Variants in TMEM255B observed in about 807,000 individuals in gnomAD.
The protein encoded by TMEM255B is family with sequence similarity 70, member B.
A neutral mutation model predicts 34.5 loss-of-function variants in TMEM255B; 35 were observed. The ratio of observed to expected loss-of-function variants is 1.01; its 90% CI spans 0.77 to 1.34. The LOEUF is 1.34. Among genes scored for constraint, TMEM255B ranks in the 40% most tolerant of loss-of-function variants. The pLI is 0.00. For missense variants in TMEM255B, 432 were observed against 433.2 expected (o/e 1.00, Z 0.02); for synonymous variants, 206 against 201.2 (o/e 1.02, Z -0.20).
intron 2 of TMEM255B, 157 bp downstream of exon 2, chr13:113,766,414 C>T (rs559261608): frequency 5.7e-6 from 6 of 1,051,224 alleles, no homozygotes; most frequent in East Asian, 2.5e-5. Context: ...CACAGACATG[C>T]ACTTCCCAAT....
At chr13:113,787,446 C>T (rs879710551) in intron 3 of TMEM255B, among the ~76,000 whole-genome samples, 5 of 152,292 alleles carry the variant, frequency 3.3e-5, no homozygotes, top group African/African-American at 7.2e-5. Context: ...TTCTCTTCTC[C>T]GTTTGCTCAC....
At position 113,795,306 on chromosome 13, in the gene TMEM255B, ATTTCAT is replaced by A. The variant is rs2050902693; in HGVS notation, c.342+73_342+78del. On this transcript the variant is annotated intron_variant, in intron 4 of 8. Transcript: ENST00000375353. Reference sequence around the variant, plus strand: ...AAAGAGTCGACGTGAAAAAAGTACAATTTCATTTTGCAGATCTCAGCTCAGACGGCT... The same window carrying A: ...AAAGAGTCGACGTGAAAAAAGTACAATTTGCAGATCTCAGCTCAGACGGCT... 4 of 1,514,828 alleles carry A rather than the reference ATTTCAT, an allele frequency of 2.6e-6. No individual in the cohort carries two copies. The East Asian group carries it at 9.4e-5, about 35-fold the overall frequency. 93.8% of individuals were successfully genotyped at this position (1,514,828 alleles called of 1,614,324 possible).
At position 113,795,213 on chromosome 13, in the gene TMEM255B, C is replaced by T. The variant is rs764893841; in HGVS notation, c.318C>T (p.Asp106=). The T allele has an allele frequency of 2.2e-5, 35 of 1,613,692 alleles. No individual in the cohort carries two copies. The highest frequency in any genetic ancestry group is 6.7e-5 in the Admixed American group (4 of 60,000). Residue 106 remains aspartate (D), a synonymous_variant, in exon 4 of 9, where the codon GAC becomes GAT. Coordinates refer to ENST00000375353, the MANE Select transcript of TMEM255B (RefSeq NM_182614.4). The part of the protein sequence containing the change: ...VVAAFCCAIV[D]GVFAAQHIEP... ...CCGCCTTCTGCTGCGCCATCGTGGA[C>T]GGCGTATTTGCAGCACAGCACATTG...
intron 7 of TMEM255B, among the ~76,000 whole-genome samples, 166 bp from the exon 8 acceptor site, chr13:113,804,719 C>T (rs553622682): frequency 1.6e-4 from 24 of 148,494 alleles, no homozygotes; most frequent in African/African-American, 5.9e-4. Context: ...TATAAACGCA[C>T]GCCGGGCCGG....
Position 113,800,823 on chromosome 13 carries a change from C to T in TMEM255B, c.424-4C>T. 10 of 1,603,612 alleles carry T rather than the reference C, an allele frequency of 6.2e-6. No homozygotes were observed. Among genetic ancestry groups the T allele is most frequent in the Non-Finnish European group, 8.5e-6 (10 of 1,175,668 alleles). ...TGTGACCTGACAAGGCCTCTCTGCC[C>T]CAGGTCACCTGTCACTCCCTGGACG... On this transcript the variant is annotated splice_polypyrimidine_tract_variant and splice_region_variant and intron_variant, in intron 5 of 8. Coordinates refer to ENST00000375353, the MANE Select transcript of TMEM255B (RefSeq NM_182614.4).
At position 113,801,733 on chromosome 13, in the gene TMEM255B, G is replaced by A. The variant is rs751781657; in HGVS notation, c.590G>A (p.Trp197Ter). ...GTGCTGCACCTGTACCGCCTGCTCT[G>A]GGCCTCTGCAGTTCTGAACGTCCTG... ...QDVLHLYRLL[W>*]ASAVLNVLGL... Residue 197 changes from tryptophan to a stop codon, truncating the protein, a stop_gained, in exon 7 of 9, where the codon TGG becomes TAG. Coordinates refer to ENST00000375353, the MANE Select transcript of TMEM255B (RefSeq NM_182614.4). LOFTEE classifies it high-confidence loss of function. The A allele has an allele frequency of 5.6e-6, 9 of 1,613,162 alleles. No homozygotes were observed. The South Asian group carries it at 8.8e-5, about 16-fold the overall frequency.
rs1035096660 is a variant in TMEM255B, at chr13:113,814,798, A to G, written c.*2895A>G. 1 of 143,560 alleles carries G rather than the reference A, an allele frequency of 7.0e-6. No homozygotes were observed. The highest frequency in any genetic ancestry group is 1.5e-5 in the Non-Finnish European group (1 of 65,350). 8.9% of individuals were successfully genotyped at this position (143,560 alleles called of 1,614,324 possible). ...TCCCGCCCTCACTTGGTTCCCATGCACAGCCGAGGTCAGTGAGACCCTGGA... is the reference window on the plus strand; with the variant it reads ...TCCCGCCCTCACTTGGTTCCCATGCGCAGCCGAGGTCAGTGAGACCCTGGA... On this transcript the variant is annotated 3_prime_UTR_variant, in exon 9 of 9. Transcript: ENST00000375353.
At chr13:113,791,451 G>A (rs773285823) in intron 3 of TMEM255B, among the ~76,000 whole-genome samples, 4 of 152,186 alleles carry the variant, frequency 2.6e-5, no homozygotes, top group Non-Finnish European at 5.9e-5. Context: ...CAGCCCCAAC[G>A]AATCTGGGGG....
chr13:113,807,393 C>CCG, intron 8 of TMEM255B, among the ~76,000 whole-genome samples: 1 of 142,658 alleles, frequency 7.0e-6, no homozygotes, highest in South Asian at 2.3e-4. Flanking sequence ...GTGGTCCTCC[C>CCG]TGTCACACGT....
intron 5 of TMEM255B, chr13:113,800,134 G>T: frequency 9.0e-7 from 1 of 1,105,180 alleles, no homozygotes; most frequent in South Asian, 1.7e-5. Flanking sequence ...GTGTGTTTAG[G>T]GGGGAGGTGT....
At chr13:113,762,858 CATA>C (rs2050330818) in intron 1 of TMEM255B, among the ~76,000 whole-genome samples, 1 of 152,332 alleles carries the variant, frequency 6.6e-6, no homozygotes, top group East Asian at 1.9e-4. Flanking sequence ...CTATTTTGAG[CATA>C]ATATTATATG....
At chr13:113,759,663 A>G (rs1441319402) in intron 1 of TMEM255B, among the ~76,000 whole-genome samples, 1 of 151,988 alleles carries the variant, frequency 6.6e-6, no homozygotes, top group Non-Finnish European at 1.5e-5. Context: ...TTTTATTATG[A>G]GGAACAGGCG....
chr13:113,787,420 A>G (rs1162635249), intron 3 of TMEM255B, among the ~76,000 whole-genome samples: 1 of 152,212 alleles, frequency 6.6e-6, no homozygotes, highest in Non-Finnish European at 1.5e-5. Context: ...CCTGTTGCTG[A>G]CCTGAGTGGT....
intron 3 of TMEM255B, among the ~76,000 whole-genome samples, chr13:113,777,452 C>G (rs996141015): frequency 1.3e-5 from 2 of 152,184 alleles, no homozygotes; most frequent in African/African-American, 4.8e-5. Flanking sequence ...CGGAGGCTGC[C>G]AGCTCTACCC....
chr13:113,786,566 GTCATCACCA>G (rs1274161819), intron 3 of TMEM255B, among the ~76,000 whole-genome samples: 11 of 149,460 alleles, frequency 7.4e-5, no homozygotes, highest in African/African-American at 2.7e-4. Context: ...CATCATCACC[GTCATCACCA>G]TCATCATCAC....
intron 1 of TMEM255B, chr13:113,761,196 G>T: frequency 1.0e-6 from 1 of 985,370 alleles, no homozygotes; most frequent in Non-Finnish European, 1.2e-6. Flanking sequence ...GGGCGTTCCA[G>T]GTCCGGCTGG....
At chr13:113,797,050 C>A (rs2050955245) in intron 4 of TMEM255B, among the ~76,000 whole-genome samples, 1 of 152,260 alleles carries the variant, frequency 6.6e-6, no homozygotes, top group Admixed American at 6.5e-5. Flanking sequence ...CGGTGGTTTC[C>A]ACTGTGCTCC....
At chr13:113,807,750 T>C (rs7996561) in intron 8 of TMEM255B, among the ~76,000 whole-genome samples, 7 of 111,420 alleles carry the variant, frequency 6.3e-5, no homozygotes, top group Non-Finnish European at 1.2e-4. Flanking sequence ...ATGTGGGGGG[T>C]AGTCCTCCCC....
intron 3 of TMEM255B, among the ~76,000 whole-genome samples, chr13:113,775,355 C>T (rs187622865): frequency 4.6e-5 from 7 of 152,370 alleles, no homozygotes; most frequent in East Asian, 3.9e-4. Context: ...CTCAGGGCCT[C>T]GCTGTCGTGG....
Sources: allele counts gnomAD v4.1 joint callset (sites outside exome capture counted in the v4.1 genomes callset), GRCh38; gene constraint gnomAD v4.1.1; transcripts MANE v1.5; gene names NCBI Gene and HGNC (gene_info 2026-07-23, HGNC 2026-07-21).